Variants in ZNF248 observed in about 807,000 individuals in gnomAD.
ZNF248 encodes KRAB protein domain.
Under a neutral mutation model 44.3 loss-of-function variants are expected in ZNF248, and 20 were observed. The ratio of observed to expected loss-of-function variants is 0.45; its 90% CI spans 0.32 to 0.66. The LOEUF is 0.66. Among genes scored for constraint, ZNF248 ranks in the 30% least tolerant of loss-of-function variants. ZNF248 has a pLI of 0.04. For synonymous variants in ZNF248, 224 were observed against 229.0 expected, an observed-to-expected ratio of 0.98 and a Z score of 0.20; for missense variants, 654 against 677.0, an observed-to-expected ratio of 0.97 and a Z score of 0.38.
intron 6 of ZNF248, among the ~76,000 whole-genome samples, chr10:37,807,196 C>T (rs1395097391): frequency 1.3e-5 from 2 of 151,984 alleles, no homozygotes; most frequent in African/African-American, 2.4e-5. Context: ...TCTTGGTACC[C>T]GTGTCTAAAA....
Position 37,830,376 on chromosome 10 carries a change from T to TA in ZNF248, c.*1238dup. 1 of 985,410 alleles carries TA rather than the reference T, an allele frequency of 1.0e-6. No individual in the cohort carries two copies. The highest frequency in any genetic ancestry group is 1.2e-6 in the Non-Finnish European group (1 of 829,934). 61.0% of individuals were successfully genotyped at this position (985,410 alleles called of 1,614,324 possible). A position where few individuals can be genotyped will look rare whatever the true frequency, so the allele number is the denominator to read the frequency against. On this transcript the variant is annotated 3_prime_UTR_variant, in exon 6 of 6. Transcript: ENST00000395867. Reference sequence around the variant, plus strand: ...AAACAGTCAGAGGAAAGGTACGTGATATAGTTCTTTGTGAAATAATATTTC... The same window carrying TA: ...AAACAGTCAGAGGAAAGGTACGTGATAATAGTTCTTTGTGAAATAATATTTC...
chr10:37,815,039 A>T (rs573859987), intron 6 of ZNF248, among the ~76,000 whole-genome samples: 1 of 152,100 alleles, frequency 6.6e-6, no homozygotes, highest in Non-Finnish European at 1.5e-5. Flanking sequence ...ATGGTGTCCC[A>T]CATGTCTCTT....
chr10:37,772,978 C>T (rs368185907), downstream of ZNF248, among the ~76,000 whole-genome samples: 2 of 151,970 alleles, frequency 1.3e-5, no homozygotes, highest in Non-Finnish European at 2.9e-5. Flanking sequence ...GAACTGAAGA[C>T]GTGACTATCA....
At chr10:37,775,566 A>G (rs2046523260), downstream of ZNF248, 1 of 152,210 alleles carries the variant, frequency 6.6e-6, no homozygotes, top group Admixed American at 6.5e-5. Flanking sequence ...GATGAGTGAG[A>G]ATTCACACAT....
chr10:37,797,970 A>G (rs2049349254), intron 6 of ZNF248, among the ~76,000 whole-genome samples: 1 of 152,152 alleles, frequency 6.6e-6, no homozygotes, highest in South Asian at 2.1e-4. Flanking sequence ...ATATATCCAG[A>G]GAATTAAAAC....
intron 6 of ZNF248, chr10:37,819,740 T>C (rs2053150761): frequency 1.3e-6 from 1 of 782,406 alleles, no homozygotes; most frequent in Non-Finnish European, 2.4e-6. Flanking sequence ...TAACGTTTTA[T>C]TTTCAGCTCC....
chr10:37,851,768 C>CAAAAAAAAAA (rs57501241), intron 3 of ZNF248, among the ~76,000 whole-genome samples: 2 of 32,062 alleles, frequency 6.2e-5, no homozygotes, highest in African/African-American at 1.3e-4. Flanking sequence ...TCAGAATGAC[C>CAAAAAAAAAA]AAAAAAAAAA....
At chr10:37,784,477 G>T (rs1361136072) in intron 6 of ZNF248, among the ~76,000 whole-genome samples, 1 of 152,150 alleles carries the variant, frequency 6.6e-6, no homozygotes. Context: ...TGGCTAAATT[G>T]GTAAATCAGA....
chr10:37,825,152 T>C (rs1165291296), downstream of ZNF248, among the ~76,000 whole-genome samples: 3 of 152,154 alleles, frequency 2.0e-5, no homozygotes, highest in Non-Finnish European at 4.4e-5. Flanking sequence ...AAAGGTAAAC[T>C]ATATACTTAG....
At chr10:37,796,790 G>T (rs2049211361) in intron 6 of ZNF248, among the ~76,000 whole-genome samples, 1 of 150,804 alleles carries the variant, frequency 6.6e-6, no homozygotes, top group Non-Finnish European at 1.5e-5. Context: ...CTACCATTTT[G>T]GGGGAGAACA....
chr10:37,806,226 A>G (rs1288696142), intron 6 of ZNF248, among the ~76,000 whole-genome samples: 1 of 152,200 alleles, frequency 6.6e-6, no homozygotes, highest in Non-Finnish European at 1.5e-5. Flanking sequence ...TATACTCAGA[A>G]GTGGAATTGC....
chr10:37,761,699 A>AT, the ZNF248 span, among the ~76,000 whole-genome samples: 15 of 152,256 alleles, frequency 9.9e-5, no homozygotes, highest in African/African-American at 3.4e-4. Context: ...CCCATGATCA[A>AT]TTTTTCCTAA....
chr10:37,828,931 AT>A lies in ZNF248; in HGVS notation c.*2683del, dbSNP rs1331592151. On this transcript the variant is annotated 3_prime_UTR_variant, in exon 6 of 6. Coordinates refer to ENST00000395867, the MANE Select transcript of ZNF248 (RefSeq NM_021045.3). ...GTGTAGTTCCAAAGGGAGTTTACTTATGCTAACAGGAAAGCAGAACAAACAG... is the reference window on the plus strand; with the variant it reads ...GTGTAGTTCCAAAGGGAGTTTACTTAGCTAACAGGAAAGCAGAACAAACAG... The A allele has an allele frequency of 1.0e-6, 1 of 985,424 alleles. No individual in the cohort carries two copies. Among genetic ancestry groups the A allele is most frequent in the Non-Finnish European group, 1.2e-6 (1 of 829,926 alleles). The allele number at this position is 985,424 out of a possible 1,614,324, so 61.0% of individuals were successfully genotyped here.
Position 37,830,137 on chromosome 10 carries a change from C to G in ZNF248, c.*1478G>C. On this transcript the variant is annotated 3_prime_UTR_variant, in exon 6 of 6. Transcript: ENST00000395867. ...ATACACAATGAAAAATCAAGGATAT[C>G]AAAAGGGCCTTTCATTACATACCGC... 1 of 985,374 alleles carries G rather than the reference C, an allele frequency of 1.0e-6. No individual in the cohort carries two copies. The highest frequency in any genetic ancestry group is 1.2e-6 in the Non-Finnish European group (1 of 829,926). 61.0% of individuals were successfully genotyped at this position (985,374 alleles called of 1,614,324 possible).
At chr10:37,828,302 A>T (rs541257859), downstream of ZNF248, among the ~76,000 whole-genome samples, 1 of 152,006 alleles carries the variant, frequency 6.6e-6, no homozygotes, top group Non-Finnish European at 1.5e-5. Flanking sequence ...ATCTAAAATC[A>T]AACCTTGTAT....
intron 5 of ZNF248, among the ~76,000 whole-genome samples, chr10:37,836,204 G>A (rs1275998485): frequency 6.6e-6 from 1 of 152,076 alleles, no homozygotes; most frequent in Non-Finnish European, 1.5e-5. Context: ...CTCCTCTGAA[G>A]CACATAATGG....
the ZNF248 span, among the ~76,000 whole-genome samples, chr10:37,769,911 CA>C: frequency 6.6e-6 from 1 of 152,168 alleles, no homozygotes; most frequent in Admixed American, 6.5e-5. Context: ...AGCTGATAAG[CA>C]ACTTCAGCAA....
chr10:37,810,444 CT>C (rs1007233862), intron 6 of ZNF248, among the ~76,000 whole-genome samples: 3 of 151,970 alleles, frequency 2.0e-5, no homozygotes, highest in African/African-American at 7.3e-5. Context: ...CTCTTGTGAC[CT>C]TTTTGATTTA....
At chr10:37,839,838 T>C (rs1439330219) in intron 3 of ZNF248, among the ~76,000 whole-genome samples, 2 of 152,210 alleles carry the variant, frequency 1.3e-5, no homozygotes, top group African/African-American at 4.8e-5. Flanking sequence ...GTGACATTTA[T>C]ACAATACTTC....
Sources: gnomAD v4.1 joint callset for allele counts (sites outside exome capture counted in the v4.1 genomes callset) on GRCh38, gnomAD v4.1.1 for gene constraint, MANE v1.5 for transcripts, NCBI Gene and HGNC (gene_info 2026-07-23, HGNC 2026-07-21) for gene names.